MMAA: variants seen among roughly 807,000 people sequenced by gnomAD.
MMAA encodes the protein methylmalonic aciduria type A protein, mitochondrial.
A neutral mutation model predicts 45.0 loss-of-function variants in MMAA; 41 were observed. The observed-to-expected ratio is 0.91, with a 90% CI of 0.71 to 1.18. MMAA has a LOEUF of 1.18. MMAA is among the 50% of genes most tolerant of loss of function. The probability of loss-of-function intolerance (pLI) is 0.00; values close to 1 mark genes in which losing one functional copy is unlikely to be tolerated. For missense variants in MMAA, 460 were observed against 495.7 expected, an observed-to-expected ratio of 0.93 and a Z score of 0.68; for synonymous variants, 154 against 178.2, an observed-to-expected ratio of 0.86 and a Z score of 1.08.
At chr4:145,649,773 G>T (rs1417990550) in intron 4 of MMAA, among the ~76,000 whole-genome samples, 7 of 151,828 alleles carry the variant, frequency 4.6e-5, no homozygotes, top group African/African-American at 1.7e-4. Context: ...AGTTTTGGTG[G>T]AAGTAGATTT....
intron 1 of MMAA, among the ~76,000 whole-genome samples, chr4:145,628,859 A>C (rs527314068): frequency 2.0e-5 from 3 of 152,306 alleles, no homozygotes; most frequent in Admixed American, 2.0e-4. Flanking sequence ...AGTTATATAC[A>C]CATCAATATA....
intron 1 of MMAA, among the ~76,000 whole-genome samples, 167 bp downstream of exon 1, chr4:145,619,574 TC>T (rs1734047035): frequency 1.3e-5 from 2 of 152,260 alleles, no homozygotes; most frequent in Admixed American, 1.3e-4. Context: ...ATATTGATGT[TC>T]GGGGTGCGGA....
chr4:145,636,879 GT>G (rs1435165529), intron 1 of MMAA, among the ~76,000 whole-genome samples: 5 of 152,216 alleles, frequency 3.3e-5, no homozygotes, highest in Non-Finnish European at 5.9e-5. Flanking sequence ...AGTGTAGCAG[GT>G]CGAAAGATGG....
Position 145,657,603 on chromosome 4 carries a change from A to C in MMAA, c.*2169A>C, listed in dbSNP as rs1323999152. On this transcript the variant is annotated 3_prime_UTR_variant, in exon 7 of 7. Transcript: ENST00000649156. ...ATAGCTACTTTACAGGGTTGGAAGA[A>C]TTAATTTAGAAATTGTACAGTGCTT... 6.6e-6 allele frequency: 1 copy of C among 152,202 alleles called. No homozygotes were observed. Among genetic ancestry groups the C allele is most frequent in the African/African-American group, 2.4e-5 (1 of 41,454 alleles). 9.4% of individuals were successfully genotyped at this position (152,202 alleles called of 1,614,324 possible). A position where few individuals can be genotyped will look rare whatever the true frequency, so the allele number is the denominator to read the frequency against.
chr4:145,639,151 G>C lies in MMAA; in HGVS notation c.12G>C (p.Leu4=), dbSNP rs1277442766. MPM[L]LPHPHQHFLK... is the part of the protein sequence containing the mutation. ...CAAATAAAACGAATATGCCCATGCT[G>C]CTACCACATCCTCACCAGCATTTCC... is the stretch of plus-strand genomic sequence containing the variant. The change falls in exon 2 of 7, where the codon CTG becomes CTC. Residue 4 remains leucine (L), a synonymous_variant. Transcript: ENST00000649156. The C allele has an allele frequency of 3.7e-6, 6 of 1,614,162 alleles. No individual in the cohort carries two copies. The highest frequency in any genetic ancestry group is 5.1e-6 in the Non-Finnish European group (6 of 1,180,026).
rs1262225387 is a variant in MMAA, at chr4:145,658,384, T to A, written c.*2950T>A. The A allele has an allele frequency of 6.6e-6, 1 of 152,156 alleles. No individual in the cohort carries two copies. Among genetic ancestry groups the A allele is most frequent in the East Asian group, 1.9e-4 (1 of 5,198 alleles). The allele number at this position is 152,156 out of a possible 1,614,324, so 9.4% of individuals were successfully genotyped here. Reference sequence around the variant, plus strand: ...AAAGATAATTCTGAAAAAAATCTCATAGGTTCACTTTGCCTTGTCAAGAAT... The same window carrying A: ...AAAGATAATTCTGAAAAAAATCTCAAAGGTTCACTTTGCCTTGTCAAGAAT... On this transcript the variant is annotated 3_prime_UTR_variant, in exon 7 of 7. Coordinates refer to ENST00000649156, the MANE Select transcript of MMAA (RefSeq NM_172250.3).
intron 2 of MMAA, among the ~76,000 whole-genome samples, chr4:145,641,039 A>T (rs1234858066): frequency 6.6e-6 from 1 of 152,348 alleles, no homozygotes; most frequent in East Asian, 1.9e-4. Flanking sequence ...TAGATGCTTT[A>T]AGATAATTTC....
At chr4:145,632,792 C>G (rs1727491514) in intron 1 of MMAA, among the ~76,000 whole-genome samples, 1 of 150,516 alleles carries the variant, frequency 6.6e-6, no homozygotes, top group African/African-American at 2.5e-5. Flanking sequence ...GGGTCTTGCT[C>G]TGTCACCCAG....
intron 1 of MMAA, among the ~76,000 whole-genome samples, chr4:145,632,188 G>A (rs1464113667): frequency 6.6e-6 from 1 of 152,170 alleles, no homozygotes; most frequent in Non-Finnish European, 1.5e-5. Context: ...TGTAGGAAAG[G>A]TTTGGTGTTG....
intron 1 of MMAA, among the ~76,000 whole-genome samples, chr4:145,621,011 C>G (rs1341143086): frequency 6.6e-6 from 1 of 152,148 alleles, no homozygotes; most frequent in African/African-American, 2.4e-5. Flanking sequence ...AGATCACATT[C>G]ACCTTTCAGA....
At chr4:145,625,261 GT>G in intron 1 of MMAA, 1 of 849,644 alleles carries the variant, frequency 1.2e-6, no homozygotes, top group South Asian at 1.3e-5. Context: ...TGAGGAGCAA[GT>G]TTTCTAAGCC....
intron 1 of MMAA, among the ~76,000 whole-genome samples, chr4:145,632,059 A>G (rs377474195): frequency 1.3e-5 from 2 of 152,204 alleles, no homozygotes; most frequent in African/African-American, 4.8e-5. Flanking sequence ...TTTATACACC[A>G]CAGGTACAAT....
intron 2 of MMAA, among the ~76,000 whole-genome samples, chr4:145,641,748 CTGGCTGCG>C (rs1380883051): frequency 6.6e-6 from 1 of 152,208 alleles, no homozygotes; most frequent in African/African-American, 2.4e-5. Flanking sequence ...AGAATGAGAA[CTGGCTGCG>C]TGGCTTCAGG....
intron 4 of MMAA, among the ~76,000 whole-genome samples, chr4:145,647,620 G>A (rs1053368651): frequency 9.9e-5 from 15 of 152,104 alleles, no homozygotes; most frequent in Admixed American, 2.6e-4. Context: ...CTAAGACCCC[G>A]GACCTTTGTC....
At chr4:145,652,503 C>G (rs112971152) in intron 5 of MMAA, among the ~76,000 whole-genome samples, 1 of 151,874 alleles carries the variant, frequency 6.6e-6, no homozygotes, top group Non-Finnish European at 1.5e-5. Context: ...CCGAGGTGGG[C>G]GGATCACGAG....
At chr4:145,625,456 G>A in intron 1 of MMAA, 1 of 712,226 alleles carries the variant, frequency 1.4e-6, no homozygotes, top group South Asian at 1.4e-5. Flanking sequence ...CTGCAATACT[G>A]GATGCTGACT....
Position 145,642,357 on chromosome 4 carries a change from C to T in MMAA, c.440-6C>T, listed in dbSNP as rs374784209. The stretch of plus-strand genomic sequence containing the variant: ...CATTGAATTAGAAGATCTCTTTCCA[C>T]CGTAGGATTGTCTGGGCCCCCTGGT... On this transcript the variant is annotated splice_polypyrimidine_tract_variant and splice_region_variant and intron_variant, in intron 2 of 6. Coordinates refer to ENST00000649156, the MANE Select transcript of MMAA (RefSeq NM_172250.3). The T allele has an allele frequency of 2.8e-5, 45 of 1,613,598 alleles. No individual in the cohort carries two copies. In the Middle Eastern group the frequency reaches 5.1e-4, roughly 18 times the overall value.
At chr4:145,645,241 T>C (rs1216100629) in intron 3 of MMAA, among the ~76,000 whole-genome samples, 2 of 152,188 alleles carry the variant, frequency 1.3e-5, no homozygotes, top group African/African-American at 4.8e-5. Flanking sequence ...ACTAAAGTTC[T>C]CTTATGCCCT....
intron 1 of MMAA, among the ~76,000 whole-genome samples, chr4:145,633,196 C>CTTTTTTTTTTTTTTTT (rs941603291): frequency 1.1e-5 from 1 of 88,476 alleles, no homozygotes; most frequent in Non-Finnish European, 2.2e-5. Flanking sequence ...ATTTCTTTTT[C>CTTTTTTTTTTTTTTTT]TTTTTTTTTT....
Sources: allele counts gnomAD v4.1 joint callset (sites outside exome capture counted in the v4.1 genomes callset), GRCh38; gene constraint gnomAD v4.1.1; transcripts MANE v1.5; gene names NCBI Gene and HGNC (gene_info 2026-07-23, HGNC 2026-07-21).